CCNQ: variants seen among roughly 807,000 people sequenced by gnomAD.
The protein encoded by CCNQ is cyclin Q.
In CCNQ, 3 loss-of-function variants were observed where a neutral mutation model predicts 17.7. The observed-to-expected ratio is 0.17, with a 90% confidence interval of 0.08 to 0.44. The LOEUF (loss-of-function observed/expected upper bound fraction) is 0.44, where lower values mean the gene tolerates loss of function less well. CCNQ is among the 20% of genes least tolerant of loss of function. CCNQ has a pLI of 0.99. For missense variants in CCNQ, 146 were observed against 222.6 expected, an observed-to-expected ratio of 0.66 and a Z score of 2.19; for synonymous variants, 73 against 96.0, an observed-to-expected ratio of 0.76 and a Z score of 1.40.
intron 3 of CCNQ, among the ~76,000 whole-genome samples, chrX:153,594,261 G>A (rs1396022924): frequency 8.9e-6 from 1 of 112,650 alleles, no homozygotes; most frequent in African/African-American, 3.2e-5. Context: ...GACCACAGGA[G>A]CTGCCACAGC....
Position 153,587,937 on chromosome X carries a change from A to T in CCNQ, c.*428T>A. 3.8e-6 allele frequency: 1 copy of T among 265,510 alleles called. No homozygotes were observed. The allele number at this position is 265,510 out of a possible 1,213,427, so 21.9% of individuals were successfully genotyped here. A position where few individuals can be genotyped will look rare whatever the true frequency, so the allele number is the denominator to read the frequency against. On this transcript the variant is annotated 3_prime_UTR_variant, in exon 5 of 5. Transcript: ENST00000576892. ...CCAAGGGTCCCTATTGACTTGTATCACCTTTTATTACACAAAATAGATTTC... is the reference window on the plus strand; with the variant it reads ...CCAAGGGTCCCTATTGACTTGTATCTCCTTTTATTACACAAAATAGATTTC...
chrX:153,594,988 A>C (rs950370388), intron 2 of CCNQ, among the ~76,000 whole-genome samples: 17 of 112,922 alleles, frequency 1.5e-4, no homozygotes, highest in African/African-American at 5.5e-4. Context: ...GAGGAACCGG[A>C]AGCTTGAGCA....
At chrX:153,596,672 T>C (rs1360510647) in intron 1 of CCNQ, among the ~76,000 whole-genome samples, 1 of 112,813 alleles carries the variant, frequency 8.9e-6, no homozygotes, top group African/African-American at 3.2e-5. Flanking sequence ...GTGCCACAAG[T>C]CCTGAAGTCA....
intron 1 of CCNQ, among the ~76,000 whole-genome samples, chrX:153,597,089 A>C (rs782245622): frequency 1.8e-4 from 20 of 112,199 alleles, no homozygotes; most frequent in Non-Finnish European, 3.4e-4. Flanking sequence ...CTCCTAAGAA[A>C]ATCACTGCCC....
At chrX:153,598,883 G>A (rs1239919299) in intron 1 of CCNQ, 79 bp downstream of exon 1, 3 of 751,842 alleles carry the variant, frequency 4.0e-6, no homozygotes, top group Non-Finnish European at 5.3e-6. Flanking sequence ...CACTCCAGAA[G>A]GCCGGCCTGG....
chrX:153,595,963 C>A (rs371929354), intron 2 of CCNQ, 41 bp downstream of exon 2: 19 of 1,204,978 alleles, frequency 1.6e-5, no homozygotes, highest in Admixed American at 4.4e-5. Flanking sequence ...GCCCGTCCCC[C>A]CCACCGGGTG....
chrX:153,595,940 A>C, intron 2 of CCNQ, 64 bp downstream of exon 2: 2 of 1,171,839 alleles, frequency 1.7e-6, no homozygotes, highest in Non-Finnish European at 2.3e-6. Context: ...AGGGCCCCAT[A>C]GGAGCCTTCC....
chrX:153,595,354 G>A (rs781965068), intron 2 of CCNQ, among the ~76,000 whole-genome samples: 1 of 113,588 alleles, frequency 8.8e-6, no homozygotes, highest in African/African-American at 3.2e-5. Flanking sequence ...CTGGGCTCAA[G>A]CGATCCACCC....
intron 4 of CCNQ, among the ~76,000 whole-genome samples, chrX:153,589,010 G>A (rs1488322701): frequency 8.8e-6 from 1 of 113,179 alleles, no homozygotes; most frequent in Non-Finnish European, 1.9e-5. Flanking sequence ...GCCACAGGCT[G>A]GGGTCCACAC....
rs1557027720 is a variant in CCNQ at position 153,598,997 on chromosome X, A to T, written c.77T>A (p.Val26Glu). The T allele has an allele frequency of 8.8e-7, 1 of 1,132,781 alleles. No homozygotes were observed. The highest frequency in any genetic ancestry group is 1.2e-6 in the Non-Finnish European group (1 of 859,199). 93.4% of individuals were successfully genotyped at this position (1,132,781 alleles called of 1,213,427 possible). Reference sequence around the variant, plus strand: ...GATGAACCTCGCCACTCGGAAGTGCACCCTGGCTTCGGGCGCCGGCTGCCC... The same window carrying T: ...GATGAACCTCGCCACTCGGAAGTGCTCCCTGGCTTCGGGCGCCGGCTGCCC... Reference protein sequence around the residue: ...PEGQPAPEARVHFRVARFIME... With the variant: ...PEGQPAPEAREHFRVARFIME... The change falls in exon 1 of 5, where the codon GTG (valine) becomes GAG (glutamate). Residue 26 changes from valine to glutamate, a missense_variant. Coordinates refer to ENST00000576892, the MANE Select transcript of CCNQ (RefSeq NM_152274.5).
chrX:153,593,425 C>A (rs2091006058), intron 3 of CCNQ, among the ~76,000 whole-genome samples: 1 of 111,714 alleles, frequency 9.0e-6, no homozygotes, highest in Admixed American at 9.4e-5. Context: ...CCCATCTGGG[C>A]ACAGATCACA....
intron 1 of CCNQ, among the ~76,000 whole-genome samples, chrX:153,598,096 G>A (rs939840597): frequency 1.8e-5 from 2 of 110,974 alleles, no homozygotes; most frequent in African/African-American, 6.6e-5. Context: ...ATAACTACCC[G>A]CCAACTAACA....
At chrX:153,598,937 C>T (rs1557027683) in intron 1 of CCNQ, 25 bp downstream of exon 1, 1 of 1,091,937 alleles carries the variant, frequency 9.2e-7, no homozygotes, top group Non-Finnish European at 1.2e-6. Flanking sequence ...CGCCGCCTGT[C>T]CTGGCCTCCC....
At chrX:153,593,844 A>C (rs1216119161) in intron 3 of CCNQ, among the ~76,000 whole-genome samples, 5 of 112,186 alleles carry the variant, frequency 4.5e-5, no homozygotes, top group Non-Finnish European at 9.4e-5. Context: ...ACATGTCACA[A>C]CTGCATGGGA....
chrX:153,596,733 G>A (rs2091031106), intron 1 of CCNQ, among the ~76,000 whole-genome samples: 1 of 112,601 alleles, frequency 8.9e-6, no homozygotes, highest in African/African-American at 3.2e-5. Context: ...GGTTAGAAGA[G>A]GTGAGCAAAG....
At chrX:153,589,316 C>T (rs1328158410) in intron 4 of CCNQ, among the ~76,000 whole-genome samples, 1 of 112,960 alleles carries the variant, frequency 8.9e-6, no homozygotes, top group African/African-American at 3.2e-5. Context: ...GTTGTGACTC[C>T]GTGCTCGCTG....
At chrX:153,597,759 G>A (rs2091037984) in intron 1 of CCNQ, 1 of 111,423 alleles carries the variant, frequency 9.0e-6, no homozygotes, top group African/African-American at 3.3e-5. Flanking sequence ...TCCCTCAGAA[G>A]GTCTAAACTT....
chrX:153,588,474 C>G lies in CCNQ; in HGVS notation c.658-20G>C, dbSNP rs1375845595. 2 of 1,126,780 alleles carry G rather than the reference C, an allele frequency of 1.8e-6. No individual in the cohort carries two copies. The highest frequency in any genetic ancestry group is 3.6e-5 in the African/African-American group (2 of 55,838). The allele number at this position is 1,126,780 out of a possible 1,213,427, so 92.9% of individuals were successfully genotyped here. ...AAACACCTAGAAAGAAGAAGGAAAA[C>G]AGGTTCCAGTTAGACTCCCTCTATG... On this transcript the variant is annotated intron_variant, in intron 4 of 4. Coordinates refer to ENST00000576892, the MANE Select transcript of CCNQ (RefSeq NM_152274.5).
chrX:153,597,984 C>T (rs926348930), intron 1 of CCNQ, among the ~76,000 whole-genome samples: 2 of 111,232 alleles, frequency 1.8e-5, no homozygotes, highest in Admixed American at 1.9e-4. Flanking sequence ...ATTTACATAT[C>T]ACTGGGATGA....
Sources: gnomAD v4.1 joint callset for allele counts (sites outside exome capture counted in the v4.1 genomes callset) on GRCh38, gnomAD v4.1.1 for gene constraint, MANE v1.5 for transcripts, NCBI Gene and HGNC (gene_info 2026-07-23, HGNC 2026-07-21) for gene names.